DLG1: variants seen among roughly 807,000 people sequenced by gnomAD.
DLG1 encodes discs large MAGUK scaffold protein 1, also known as disks large homolog 1.
DLG1 carries 42 observed loss-of-function variants against 123.4 expected under a neutral mutation model. That is an observed-to-expected ratio of 0.34 (90% CI 0.27 to 0.44). The LOEUF (loss-of-function observed/expected upper bound fraction) is 0.44, where lower values mean the gene tolerates loss of function less well. DLG1 is among the 20% of genes least tolerant of loss of function. DLG1 has a pLI of 1.00. For synonymous variants in DLG1, 317 were observed against 356.2 expected (o/e 0.89, Z 1.24); for missense variants, 942 against 1,082.6 (o/e 0.87, Z 1.82).
intron 4 of DLG1, among the ~76,000 whole-genome samples, chr3:197,256,127 A>T (rs338205): frequency 6.6e-6 from 1 of 152,116 alleles, no homozygotes. Context: ...GTCCTATAAA[A>T]ATCTGTTTAA....
At position 197,054,813 on chromosome 3, in the gene DLG1, TTTTG is replaced by T. The variant is rs747721568; in HGVS notation, c.2484-3149_2484-3146del. On this transcript the variant is annotated intron_variant, in intron 23 of 24. Coordinates refer to ENST00000667157, the MANE Select transcript of DLG1 (RefSeq NM_001366207.1). ...GCTCGTGCCACCATGGCCAGCTAAT[TTTTG>T]TTTATTTTTTTTTTTGAGACGGAGT... Among the ~76,000 whole-genome samples, 346 of 151,726 alleles carry T rather than the reference TTTTG, an allele frequency of 2.3e-3. 1 individual carries two copies. The highest frequency in any genetic ancestry group is 2.7e-3 in the Non-Finnish European group (184 of 67,940).
rs551965463 is a variant in DLG1, at chr3:197,129,791, G to A, written c.1165+736C>T. Reference sequence around the variant, plus strand: ...GGGAATAGGGAGGCCCGAGGAGAGCGAGGGAGATAGGGGAATGACTAGTCA... The same window carrying A: ...GGGAATAGGGAGGCCCGAGGAGAGCAAGGGAGATAGGGGAATGACTAGTCA... On this transcript the variant is annotated intron_variant, in intron 11 of 24. Transcript: ENST00000667157. Among the ~76,000 whole-genome samples, 8 of 152,228 alleles carry A rather than the reference G, an allele frequency of 5.3e-5. No individual in the cohort carries two copies. In the South Asian group the frequency reaches 8.3e-4, roughly 16 times the overall value.
intron 6 of DLG1, among the ~76,000 whole-genome samples, chr3:197,146,493 C>T (rs1167051337): frequency 6.6e-6 from 1 of 152,064 alleles, no homozygotes; most frequent in Non-Finnish European, 1.5e-5. Context: ...AGAAATAAAG[C>T]CAAATACTTA....
chr3:197,226,118 C>T (rs910569268), intron 4 of DLG1: 3 of 152,160 alleles, frequency 2.0e-5, no homozygotes, highest in Admixed American at 2.0e-4. Context: ...ATTGTTTCCA[C>T]CCCCACAGCA....
chr3:197,119,523 A>T lies in DLG1; in HGVS notation c.1173T>A (p.Ser391=). The change falls in exon 12 of 25, where the codon TCT becomes TCA. Residue 391 remains serine (S), a synonymous_variant. Transcript: ENST00000667157. ...YAPPDITNSS[S]QPVDNHVSPS... is the part of the protein sequence containing the mutation. ...GGCTAACATGGTTATCAACAGGCTG[A>T]GAAGAAGCTTCAAAATAAACAAAGT... is the stretch of plus-strand genomic sequence containing the variant. 1 of 1,606,888 alleles carries T rather than the reference A, an allele frequency of 6.2e-7. No homozygotes were observed. Among genetic ancestry groups the T allele is most frequent in the Admixed American group, 1.7e-5 (1 of 59,280 alleles).
At chr3:197,190,495 T>A (rs1350830377) in intron 5 of DLG1, among the ~76,000 whole-genome samples, 3 of 152,200 alleles carry the variant, frequency 2.0e-5, no homozygotes, top group South Asian at 2.1e-4. Flanking sequence ...ATTTGTTTCA[T>A]CCGCATATAA....
intron 13 of DLG1, among the ~76,000 whole-genome samples, chr3:197,109,613 G>C (rs1263711502): frequency 6.6e-6 from 1 of 152,114 alleles, no homozygotes; most frequent in Non-Finnish European, 1.5e-5. Flanking sequence ...TCTTCATGTG[G>C]ATTTGAGTTA....
rs1019426276 is a variant in DLG1 at position 197,223,758 on chromosome 3, T to C, written c.319-29169A>G. On this transcript the variant is annotated intron_variant, in intron 4 of 24. Transcript: ENST00000667157. Reference sequence around the variant, plus strand: ...TTTCTGAAATGTTTTAACTAGAAGTTGTGGGATAATTCTGGTATAATTCCC... The same window carrying C: ...TTTCTGAAATGTTTTAACTAGAAGTCGTGGGATAATTCTGGTATAATTCCC... 5.3e-5 allele frequency among the ~76,000 whole-genome samples: 8 copies of C among 152,354 alleles called. No individual in the cohort carries two copies. In the East Asian group the frequency reaches 5.8e-4, roughly 11 times the overall value.
chr3:197,065,306 A>G lies in DLG1; in HGVS notation c.2343T>C (p.Ser781=), dbSNP rs772194713. ...CTGCTACTTCTCGTACAGACTGAAC[A>G]CTTGTTCCATATAGATGATTGTTAT... is the stretch of plus-strand genomic sequence containing the variant. ...GQYNNHLYGT[S]VQSVREVAEK... Residue 781 remains serine (S), a synonymous_variant, in exon 22 of 25, where the codon AGT becomes AGC. Transcript: ENST00000667157. 6.2e-7 allele frequency: 1 copy of G among 1,609,378 alleles called. No individual in the cohort carries two copies. The highest frequency in any genetic ancestry group is 8.5e-7 in the Non-Finnish European group (1 of 1,178,762).
At chr3:197,231,157 G>A (rs1348887769) in intron 4 of DLG1, among the ~76,000 whole-genome samples, 5 of 152,164 alleles carry the variant, frequency 3.3e-5, no homozygotes, top group African/African-American at 9.7e-5. Flanking sequence ...AACCATATGG[G>A]ATTTAAATGA....
chr3:197,191,114 T>C (rs1005553648), intron 5 of DLG1, among the ~76,000 whole-genome samples: 16 of 152,216 alleles, frequency 1.1e-4, no homozygotes, highest in African/African-American at 3.9e-4. Flanking sequence ...TTTTCACTGA[T>C]GAAGGTAGTG....
At chr3:197,095,972 T>C (rs1760420877) in intron 14 of DLG1, among the ~76,000 whole-genome samples, 1 of 152,196 alleles carries the variant, frequency 6.6e-6, no homozygotes, top group Non-Finnish European at 1.5e-5. Flanking sequence ...GCATTTTCTT[T>C]GCCTGACTCC....
At chr3:197,218,437 C>G (rs1390606146) in intron 4 of DLG1, among the ~76,000 whole-genome samples, 1 of 152,172 alleles carries the variant, frequency 6.6e-6, no homozygotes, top group Admixed American at 6.5e-5. Context: ...GTGCCAAAGA[C>G]AGCTTAAAAT....
At chr3:197,166,939 G>A (rs568532138) in intron 5 of DLG1, among the ~76,000 whole-genome samples, 1 of 151,992 alleles carries the variant, frequency 6.6e-6, no homozygotes, top group Non-Finnish European at 1.5e-5. Context: ...CCAAACCATG[G>A]GTCTTTGAAG....
In DLG1 at chr3:197,097,198, G is replaced by A. The variant is rs114141590; in HGVS notation, c.1547-6172C>T. Reference sequence around the variant, plus strand: ...GAAAGGGAACTACAGCTGGTTAACTGTGTCATAGGGCCCAGACTGCTCGTG... The same window carrying A: ...GAAAGGGAACTACAGCTGGTTAACTATGTCATAGGGCCCAGACTGCTCGTG... On this transcript the variant is annotated intron_variant, in intron 14 of 24. Transcript: ENST00000667157. Among the ~76,000 whole-genome samples, 531 of 152,300 alleles carry A rather than the reference G, an allele frequency of 3.5e-3. 2 individuals are homozygous for A. Among genetic ancestry groups the A allele is most frequent in the African/African-American group, 5.1e-3 (214 of 41,566 alleles).
chr3:197,059,790 C>A (rs1409947388), intron 23 of DLG1, 99 bp downstream of exon 23: 1 of 760,502 alleles, frequency 1.3e-6, no homozygotes, highest in South Asian at 1.9e-5. Flanking sequence ...ACTATTATCT[C>A]AATTTTATAG....
intron 4 of DLG1, among the ~76,000 whole-genome samples, chr3:197,251,134 C>T (rs1293865723): frequency 6.6e-6 from 1 of 151,726 alleles, no homozygotes; most frequent in South Asian, 2.1e-4. Flanking sequence ...GCCTGTAACC[C>T]CAGCATTTGG....
At chr3:197,275,272 C>T (rs1481818107) in intron 4 of DLG1, among the ~76,000 whole-genome samples, 1 of 151,914 alleles carries the variant, frequency 6.6e-6, no homozygotes, top group South Asian at 2.1e-4. Flanking sequence ...ATTCTGGCTA[C>T]GGATGTAAAG....
intron 6 of DLG1, among the ~76,000 whole-genome samples, chr3:197,145,905 A>T (rs1790527228): frequency 6.6e-6 from 1 of 152,060 alleles, no homozygotes; most frequent in East Asian, 1.9e-4. Flanking sequence ...CAGGAGAAGC[A>T]CTTGAACCCA....
Sources: allele counts gnomAD v4.1 joint callset (sites outside exome capture counted in the v4.1 genomes callset), GRCh38; gene constraint gnomAD v4.1.1; transcripts MANE v1.5; gene names NCBI Gene and HGNC (gene_info 2026-07-23, HGNC 2026-07-21).